BRINP1: variants seen among roughly 807,000 people sequenced by gnomAD.
The protein encoded by BRINP1 is BMP/retinoic acid-inducible neural-specific protein 1.
BRINP1 carries 17 observed loss-of-function variants against 72.9 expected under a neutral mutation model. The ratio of observed to expected loss-of-function variants is 0.23; its 90% CI spans 0.16 to 0.35. The LOEUF is 0.35. BRINP1 is among the 10% of genes least tolerant of loss of function. The probability of loss-of-function intolerance (pLI) is 1.00; values close to 1 mark genes in which losing one functional copy is unlikely to be tolerated. For missense variants in BRINP1, 850 were observed against 1,001.6 expected (o/e 0.85, Z 2.04); for synonymous variants, 418 against 378.5 (o/e 1.10, Z -1.21).
intron 7 of BRINP1, among the ~76,000 whole-genome samples, chr9:119,183,739 G>A (rs1228066831): frequency 1.3e-5 from 2 of 152,276 alleles, no homozygotes; most frequent in East Asian, 3.9e-4. Flanking sequence ...AAGCTCTTCT[G>A]TTTGTTCTCT....
At chr9:119,297,616 C>T (rs1213802164) in intron 2 of BRINP1, among the ~76,000 whole-genome samples, 2 of 152,094 alleles carry the variant, frequency 1.3e-5, no homozygotes, top group Non-Finnish European at 2.9e-5. Context: ...CAAGTTTATT[C>T]GTTCCATTCT....
At chr9:119,357,144 C>G (rs1831577188) in intron 1 of BRINP1, among the ~76,000 whole-genome samples, 2 of 152,194 alleles carry the variant, frequency 1.3e-5, no homozygotes, top group South Asian at 4.1e-4. Flanking sequence ...TGTTCTTTTA[C>G]TAGAGAAGAA....
At chr9:119,172,243 CATAAA>C (rs1829421975) in intron 7 of BRINP1, among the ~76,000 whole-genome samples, 1 of 151,918 alleles carries the variant, frequency 6.6e-6, no homozygotes, top group Non-Finnish European at 1.5e-5. Context: ...TAGCAAGACT[CATAAA>C]GAAGAAAAGA....
At chr9:119,275,696 G>T (rs1830650129) in intron 2 of BRINP1, among the ~76,000 whole-genome samples, 1 of 152,194 alleles carries the variant, frequency 6.6e-6, no homozygotes, top group African/African-American at 2.4e-5. Context: ...CTATAGTGCT[G>T]TTTTCACTAG....
At chr9:119,356,693 T>C (rs1831570536) in intron 1 of BRINP1, among the ~76,000 whole-genome samples, 1 of 151,714 alleles carries the variant, frequency 6.6e-6, no homozygotes, top group African/African-American at 2.4e-5. Flanking sequence ...TAATCCCAGC[T>C]ACTCAGGAGG....
intron 7 of BRINP1, among the ~76,000 whole-genome samples, chr9:119,203,367 T>C (rs1829823498): frequency 6.6e-6 from 1 of 152,208 alleles, no homozygotes; most frequent in Non-Finnish European, 1.5e-5. Context: ...AGAGATGGCA[T>C]GAGTATTAGA....
At chr9:119,239,472 C>A (rs540825071) in intron 4 of BRINP1, among the ~76,000 whole-genome samples, 1 of 152,166 alleles carries the variant, frequency 6.6e-6, no homozygotes, top group African/African-American at 2.4e-5. Flanking sequence ...AAAAAGATAA[C>A]CTTGAAATAA....
At chr9:119,344,077 G>A (rs1400815529) in intron 1 of BRINP1, among the ~76,000 whole-genome samples, 2 of 152,146 alleles carry the variant, frequency 1.3e-5, no homozygotes, top group Admixed American at 1.3e-4. Flanking sequence ...CTCAGGGGAG[G>A]AAGCGGGAGT....
chr9:119,231,135 T>C (rs1830145836), intron 5 of BRINP1, among the ~76,000 whole-genome samples: 1 of 152,052 alleles, frequency 6.6e-6, no homozygotes, highest in South Asian at 2.1e-4. Flanking sequence ...ATAAAAAGCA[T>C]TCTAATTTCA....
chr9:119,287,590 C>G (rs1830775692), intron 2 of BRINP1, among the ~76,000 whole-genome samples: 1 of 152,084 alleles, frequency 6.6e-6, no homozygotes, highest in African/African-American at 2.4e-5. Flanking sequence ...ATATAAAGGA[C>G]CTACGGAATA....
intron 2 of BRINP1, among the ~76,000 whole-genome samples, chr9:119,306,918 A>G (rs1188587689): frequency 6.6e-6 from 1 of 152,126 alleles, no homozygotes; most frequent in African/African-American, 2.4e-5. Context: ...TGGTACCTAT[A>G]TTTAAGCCAT....
chr9:119,360,080 A>G (rs1026455775), intron 1 of BRINP1, among the ~76,000 whole-genome samples: 1 of 152,130 alleles, frequency 6.6e-6, no homozygotes, highest in Non-Finnish European at 1.5e-5. Flanking sequence ...TGGACTTTCA[A>G]TGTTGTTGTC....
intron 2 of BRINP1, chr9:119,282,817 A>G: frequency 1.0e-6 from 1 of 985,274 alleles, no homozygotes; most frequent in Non-Finnish European, 1.2e-6. Context: ...AACCAAGGGG[A>G]GAGTAATAGC....
intron 2 of BRINP1, among the ~76,000 whole-genome samples, chr9:119,254,672 G>A (rs944397573): frequency 1.3e-5 from 2 of 152,136 alleles, no homozygotes; most frequent in African/African-American, 2.4e-5. Context: ...TCTGATTTAC[G>A]TTATAAAGGA....
intron 2 of BRINP1, among the ~76,000 whole-genome samples, chr9:119,257,579 C>A (rs1830458244): frequency 6.6e-6 from 1 of 152,164 alleles, no homozygotes; most frequent in African/African-American, 2.4e-5. Context: ...ATTAACTAAT[C>A]ATTTGGAAAT....
intron 2 of BRINP1, among the ~76,000 whole-genome samples, chr9:119,296,910 T>TA (rs1434931667): frequency 6.6e-6 from 1 of 152,148 alleles, no homozygotes; most frequent in African/African-American, 2.4e-5. Context: ...AAGTTTCTGT[T>TA]ATGCCAAATA....
At chr9:119,190,463 T>C (rs547187335) in intron 7 of BRINP1, among the ~76,000 whole-genome samples, 2 of 149,280 alleles carry the variant, frequency 1.3e-5, no homozygotes, top group South Asian at 2.1e-4. Context: ...GAAATGAAAG[T>C]GGAGACACTA....
chr9:119,309,853 G>A (rs911281814), intron 2 of BRINP1, among the ~76,000 whole-genome samples: 2 of 152,034 alleles, frequency 1.3e-5, no homozygotes, highest in African/African-American at 2.4e-5. Flanking sequence ...AATCTATTGG[G>A]TTTTTTTGGT....
intron 2 of BRINP1, among the ~76,000 whole-genome samples, chr9:119,254,610 T>A (rs1049350011): frequency 5.3e-5 from 8 of 152,196 alleles, no homozygotes; most frequent in African/African-American, 1.7e-4. Flanking sequence ...AAAACTTTTT[T>A]AAAAATTCTA....
Sources: allele counts gnomAD v4.1 joint callset (sites outside exome capture counted in the v4.1 genomes callset), GRCh38; gene constraint gnomAD v4.1.1; transcripts MANE v1.5; gene names NCBI Gene and HGNC (gene_info 2026-07-23, HGNC 2026-07-21).